Variants in WDR17 observed in about 807,000 individuals in gnomAD.
The protein encoded by WDR17 is WD repeat-containing protein 17.
A neutral mutation model predicts 161.7 loss-of-function variants in WDR17; 143 were observed. The ratio of observed to expected loss-of-function variants is 0.88; its 90% CI spans 0.77 to 1.02. The LOEUF (loss-of-function observed/expected upper bound fraction) is 1.02, where lower values mean the gene tolerates loss of function less well. Among genes scored for constraint, WDR17 ranks in the 50% least tolerant of loss-of-function variants. WDR17 has a pLI of 0.00. For missense variants in WDR17, 1,469 were observed against 1,520.9 expected (o/e 0.97, Z 0.57); for synonymous variants, 517 against 515.6 (o/e 1.00, Z -0.04).
Position 176,148,152 on chromosome 4 carries a change from T to C in WDR17, c.1714T>C (p.Tyr572His). 1 of 1,613,956 alleles carries C rather than the reference T, an allele frequency of 6.2e-7. No homozygotes were observed. The highest frequency in any genetic ancestry group is 8.5e-7 in the Non-Finnish European group (1 of 1,179,928). ...SDDGTVRIWD[Y>H]TQDACINILN... ...TTTCAGTACCGTTCGAATCTGGGAT[T>C]ATACTCAGGATGCTTGCATCAATAT... Residue 572 changes from tyrosine to histidine, a missense_variant, in exon 13 of 29, where the codon TAT becomes CAT. Physicochemically the swap from Tyr to His is moderately conservative, Grantham distance 83. Transcript: ENST00000508596.
intron 1 of WDR17, among the ~76,000 whole-genome samples, chr4:176,071,595 G>A (rs541207436): frequency 1.3e-5 from 2 of 152,132 alleles, no homozygotes; most frequent in East Asian, 1.9e-4. Context: ...AATTACAGGC[G>A]TGAGCCACCA....
intron 2 of WDR17, among the ~76,000 whole-genome samples, chr4:176,113,608 T>C (rs9993687): frequency 0.039 from 5,878 of 152,046 alleles, 330 homozygotes; most frequent in African/African-American, 0.12. Context: ...TAATATGAAA[T>C]TTATGTTAAT....
intron 3 of WDR17, among the ~76,000 whole-genome samples, chr4:176,117,284 T>C (rs1362534120): frequency 6.6e-6 from 1 of 152,036 alleles, no homozygotes; most frequent in Non-Finnish European, 1.5e-5. Flanking sequence ...TCACAAATTC[T>C]ATAGGTTACT....
chr4:176,147,007 C>G (rs1746284443), intron 12 of WDR17, among the ~76,000 whole-genome samples: 1 of 152,024 alleles, frequency 6.6e-6, no homozygotes, highest in South Asian at 2.1e-4. Context: ...GCTGGGACTA[C>G]AGGTGTGCGC....
intron 1 of WDR17, among the ~76,000 whole-genome samples, chr4:176,078,657 AT>A (rs1259313915): frequency 6.6e-6 from 1 of 151,960 alleles, no homozygotes; most frequent in Non-Finnish European, 1.5e-5. Flanking sequence ...AACTATAATA[AT>A]TTTCAATTAA....
At chr4:176,113,136 GTTT>G (rs202139800) in intron 2 of WDR17, among the ~76,000 whole-genome samples, 1 of 151,752 alleles carries the variant, frequency 6.6e-6, no homozygotes, top group Non-Finnish European at 1.5e-5. Flanking sequence ...CTAAATGCCT[GTTT>G]TTTTCTCCCA....
intron 1 of WDR17, among the ~76,000 whole-genome samples, chr4:176,088,535 G>C (rs1053368223): frequency 6.6e-6 from 1 of 152,202 alleles, no homozygotes; most frequent in Non-Finnish European, 1.5e-5. Context: ...ATGAAATACT[G>C]AATCAGAAAT....
intron 6 of WDR17, among the ~76,000 whole-genome samples, chr4:176,129,805 G>T (rs1199482281): frequency 6.6e-6 from 1 of 150,536 alleles, no homozygotes; most frequent in African/African-American, 2.4e-5. Context: ...CTGGAAACTG[G>T]AGGGTCTAGA....
At chr4:176,093,599 A>C (rs1736419486) in intron 1 of WDR17, among the ~76,000 whole-genome samples, 1 of 152,228 alleles carries the variant, frequency 6.6e-6, no homozygotes, top group African/African-American at 2.4e-5. Context: ...GTGTGATTTT[A>C]ATGAAATATC....
chr4:176,128,453 GGTTGA>G (rs1030660985), intron 5 of WDR17, among the ~76,000 whole-genome samples: 4 of 152,028 alleles, frequency 2.6e-5, no homozygotes, highest in African/African-American at 9.7e-5. Context: ...CTTTTTTTGT[GGTTGA>G]GTTATTATAA....
At chr4:176,137,155 G>T (rs1744546449) in intron 8 of WDR17, among the ~76,000 whole-genome samples, 1 of 151,332 alleles carries the variant, frequency 6.6e-6, no homozygotes, top group Non-Finnish European at 1.5e-5. Flanking sequence ...TAATATTGAA[G>T]AATTATTGTT....
In WDR17 at chr4:176,111,688, T is replaced by G. The variant is rs540265824; in HGVS notation, c.108T>G (p.Ala36=). 12 of 1,579,136 alleles carry G rather than the reference T, an allele frequency of 7.6e-6. No individual in the cohort carries two copies. The African/African-American group carries it at 1.5e-4, about 20-fold the overall frequency. The stretch of plus-strand genomic sequence containing the variant: ...GGTTTGCATATTGTGCGACCCTGGC[T>G]ATCTATATTTATCAGGTAAAATAAT... The part of the protein sequence containing the change: ...GDRFAYCATL[A]IYIYQLDHRY... Residue 36 remains alanine (A), a synonymous_variant, in exon 2 of 29, where the codon GCT becomes GCG. Coordinates refer to ENST00000508596, the MANE Select transcript of WDR17 (RefSeq NM_181265.4).
rs114514606 is a variant in WDR17 at position 176,140,274 on chromosome 4, C to T, written c.1442+300C>T. 4.0e-3 allele frequency among the ~76,000 whole-genome samples: 602 copies of T among 152,114 alleles called. 5 individuals are homozygous for T. The highest frequency in any genetic ancestry group is 0.013 in the African/African-American group (549 of 41,538). On this transcript the variant is annotated intron_variant, in intron 10 of 28. Coordinates refer to ENST00000508596, the MANE Select transcript of WDR17 (RefSeq NM_181265.4). ...CCTCAAAGAAACTTTAAGGACTTTT[C>T]ACAGTCTTAATAATTATCATCACAT... is the stretch of plus-strand genomic sequence containing the variant.
Position 176,167,415 on chromosome 4 carries a change from G to A in WDR17, c.2991-1257G>A, listed in dbSNP as rs529156840. 1.5e-3 allele frequency among the ~76,000 whole-genome samples: 227 copies of A among 151,792 alleles called. 2 individuals are homozygous for A. In the South Asian group the frequency reaches 0.017, roughly 11 times the overall value. On this transcript the variant is annotated intron_variant, in intron 22 of 28. Coordinates refer to ENST00000508596, the MANE Select transcript of WDR17 (RefSeq NM_181265.4). ...TAATCCCAGCACTTTGGGAGGCCGA[G>A]GCGGGCGGATCACGAGGTCAGGAGA...
At chr4:176,069,835 C>G (rs1414592298) in intron 1 of WDR17, among the ~76,000 whole-genome samples, 1 of 152,088 alleles carries the variant, frequency 6.6e-6, no homozygotes, top group Non-Finnish European at 1.5e-5. Context: ...CATTACAATA[C>G]AAACAGCTCC....
chr4:176,122,414 A>T (rs1741746138), intron 4 of WDR17, among the ~76,000 whole-genome samples: 1 of 152,126 alleles, frequency 6.6e-6, no homozygotes, highest in Non-Finnish European at 1.5e-5. Flanking sequence ...ACCCATAACA[A>T]CCCAATACAG....
At chr4:176,112,866 G>T (rs1309580767) in intron 2 of WDR17, among the ~76,000 whole-genome samples, 2 of 152,024 alleles carry the variant, frequency 1.3e-5, no homozygotes, top group Non-Finnish European at 2.9e-5. Flanking sequence ...TTTTAGTTAA[G>T]ACTATCTTGT....
intron 10 of WDR17, 38 bp from the exon 11 acceptor site, chr4:176,141,945 G>A (rs9995480): frequency 0.24 from 342,748 of 1,409,696 alleles, 43,407 homozygotes; most frequent in Middle Eastern, 0.34. Flanking sequence ...TGTATTTAGA[G>A]TATTGTTTTT....
At chr4:176,139,577 T>C (rs950516867) in intron 9 of WDR17, among the ~76,000 whole-genome samples, 1 of 152,014 alleles carries the variant, frequency 6.6e-6, no homozygotes, top group African/African-American at 2.4e-5. Context: ...GGAAAAGGCA[T>C]TAAGCAGAGC....
Sources: allele counts gnomAD v4.1 joint callset (sites outside exome capture counted in the v4.1 genomes callset), GRCh38; gene constraint gnomAD v4.1.1; transcripts MANE v1.5; gene names NCBI Gene and HGNC (gene_info 2026-07-23, HGNC 2026-07-21).